FHOD3: variants seen among roughly 807,000 people sequenced by gnomAD.
FHOD3 encodes the protein formin homology 2 domain containing 3.
In FHOD3, 90 loss-of-function variants were observed where a neutral mutation model predicts 173.0. The ratio of observed to expected loss-of-function variants is 0.52; its 90% CI spans 0.44 to 0.62. FHOD3 has a LOEUF of 0.62. Ranked by LOEUF, FHOD3 falls within the 20% of genes least tolerant of loss-of-function variation. The pLI, the probability that FHOD3 is intolerant of heterozygous loss-of-function variation, is 0.00. For synonymous variants in FHOD3, 828 were observed against 823.0 expected (o/e 1.01, Z -0.10); for missense variants, 1,945 against 2,034.7 (o/e 0.96, Z 0.85).
At chr18:36,539,496 C>G (rs1207468208) in intron 5 of FHOD3, among the ~76,000 whole-genome samples, 1 of 152,038 alleles carries the variant, frequency 6.6e-6, no homozygotes, top group Non-Finnish European at 1.5e-5. Flanking sequence ...CACAGTTCTT[C>G]CATTGCTCAG....
chr18:36,385,007 CT>C (rs1307733430), intron 3 of FHOD3, among the ~76,000 whole-genome samples: 1 of 152,094 alleles, frequency 6.6e-6, no homozygotes, highest in Non-Finnish European at 1.5e-5. Context: ...AGGAATGTGA[CT>C]TTAGAGTGTC....
chr18:36,680,552 C>G (rs2038166920), intron 14 of FHOD3, among the ~76,000 whole-genome samples: 1 of 152,200 alleles, frequency 6.6e-6, no homozygotes, highest in Non-Finnish European at 1.5e-5. Flanking sequence ...CCTTATATGT[C>G]ATACGGTTAC....
Position 36,652,653 on chromosome 18 carries a change from C to A in FHOD3, c.1370C>A (p.Ala457Asp). 3.3e-6 allele frequency: 5 copies of A among 1,535,616 alleles called. No individual in the cohort carries two copies. In the South Asian group the frequency reaches 5.9e-5, roughly 18 times the overall value. ...KSSALPAVSN[A>D]SSQGKPLLVG... ...TCTGCCCTCCCTGCTGTCTCGAATG[C>A]CAGCTCGCAGGGAAAGCCGCTTCTG... Residue 457 changes from alanine (A) to aspartate (D), a missense_variant, in exon 12 of 29, where the codon GCC (alanine) becomes GAC (aspartate). This residue lies in a region of FHOD3 where 1,099 missense variants were observed against 1,051.2 expected (regional missense o/e 1.05). Coordinates refer to ENST00000590592, the MANE Select transcript of FHOD3 (RefSeq NM_001281740.3).
intron 3 of FHOD3, among the ~76,000 whole-genome samples, chr18:36,402,017 T>A (rs1348537990): frequency 6.6e-6 from 1 of 152,230 alleles, no homozygotes. Context: ...ATATTCTTTT[T>A]AAAAATTCCA....
intron 5 of FHOD3, among the ~76,000 whole-genome samples, chr18:36,523,159 G>A (rs1209310758): frequency 2.0e-5 from 3 of 152,086 alleles, no homozygotes; most frequent in Non-Finnish European, 4.4e-5. Context: ...TGGGGCTGAT[G>A]TTCCTAGAAT....
rs781069877 is a variant in FHOD3, at chr18:36,685,389, A to G, written c.1971-1739A>G. 2.6e-5 allele frequency among the ~76,000 whole-genome samples: 4 copies of G among 152,274 alleles called. No individual in the cohort carries two copies. The East Asian group carries it at 7.7e-4, about 29-fold the overall frequency. On this transcript the variant is annotated intron_variant, in intron 15 of 28. Coordinates refer to ENST00000590592, the MANE Select transcript of FHOD3 (RefSeq NM_001281740.3). ...GTGAATGAAAAGAAATTCAAAAAAT[A>G]AATAGGAAAAGCTTTCTAAAGTAGT...
chr18:36,595,598 G>C (rs943547129), intron 7 of FHOD3, among the ~76,000 whole-genome samples: 4 of 152,132 alleles, frequency 2.6e-5, no homozygotes, highest in African/African-American at 9.7e-5. Context: ...CTCCAAGTCG[G>C]GGTTGCCTGC....
intron 1 of FHOD3, among the ~76,000 whole-genome samples, chr18:36,318,508 C>T (rs2044238350): frequency 6.6e-6 from 1 of 152,180 alleles, no homozygotes; most frequent in South Asian, 2.1e-4. Flanking sequence ...GGAGTTCACA[C>T]ATGATTTGGC....
At chr18:36,377,667 C>T (rs909378985) in intron 3 of FHOD3, among the ~76,000 whole-genome samples, 2 of 152,146 alleles carry the variant, frequency 1.3e-5, no homozygotes, top group Non-Finnish European at 2.9e-5. Flanking sequence ...GCACCTGGCC[C>T]CTCTGGGTGC....
chr18:36,587,813 A>G (rs1207023624), intron 6 of FHOD3, among the ~76,000 whole-genome samples: 1 of 152,118 alleles, frequency 6.6e-6, no homozygotes, highest in Non-Finnish European at 1.5e-5. Context: ...TTGTAGCACT[A>G]TTTATTGTTA....
chr18:36,561,048 T>G (rs891387244), intron 5 of FHOD3, among the ~76,000 whole-genome samples: 13 of 152,268 alleles, frequency 8.5e-5, no homozygotes, highest in Non-Finnish European at 1.6e-4. Context: ...GCTGTACACA[T>G]TTGTGATATC....
At chr18:36,674,887 T>C (rs2037750518) in intron 14 of FHOD3, among the ~76,000 whole-genome samples, 1 of 152,224 alleles carries the variant, frequency 6.6e-6, no homozygotes, top group African/African-American at 2.4e-5. Context: ...GAATACTCTA[T>C]GATGCACACT....
At chr18:36,322,988 C>G (rs1298365264) in intron 1 of FHOD3, among the ~76,000 whole-genome samples, 2 of 152,170 alleles carry the variant, frequency 1.3e-5, no homozygotes, top group Non-Finnish European at 2.9e-5. Flanking sequence ...CTGTTTTATG[C>G]AGCATAACAG....
At chr18:36,710,186 G>A (rs185249151) in intron 18 of FHOD3, 10 of 152,298 alleles carry the variant, frequency 6.6e-5, no homozygotes, top group Non-Finnish European at 1.0e-4. Flanking sequence ...TATAGGAATC[G>A]TGAATAATTC....
Position 36,509,433 on chromosome 18 carries a change from AAAAAAAAAG to A in FHOD3, c.406-2996_406-2988del, listed in dbSNP as rs1440883992. 3.7e-4 allele frequency among the ~76,000 whole-genome samples: 29 copies of A among 78,696 alleles called. No homozygotes were observed. The South Asian group carries it at 7.2e-3, about 20-fold the overall frequency. The allele number at this position is 78,696 out of a possible 152,430, so 51.6% of individuals were successfully genotyped here. A position where few individuals can be genotyped will look rare whatever the true frequency, so the allele number is the denominator to read the frequency against. Reference sequence around the variant, plus strand: ...CAGAGCAAGACTCCATCTCAAAAAAAAAAAAAAAGAAAAAAAAAAGAAAACAGTATTTAT... The same window carrying A: ...CAGAGCAAGACTCCATCTCAAAAAAAAAAAAAAAAAGAAAACAGTATTTAT... On this transcript the variant is annotated intron_variant, in intron 4 of 28. Coordinates refer to ENST00000590592, the MANE Select transcript of FHOD3 (RefSeq NM_001281740.3).
chr18:36,728,052 A>G (rs2041167844), intron 19 of FHOD3, among the ~76,000 whole-genome samples: 1 of 152,230 alleles, frequency 6.6e-6, no homozygotes, highest in East Asian at 1.9e-4. Context: ...GATGAGCACA[A>G]GGCATGGCCC....
At chr18:36,464,487 A>G (rs2052784088) in intron 3 of FHOD3, among the ~76,000 whole-genome samples, 1 of 152,214 alleles carries the variant, frequency 6.6e-6, no homozygotes, top group East Asian at 1.9e-4. Context: ...GGCTCAGGCC[A>G]GGGATGGATT....
At chr18:36,378,558 G>T (rs1197958943) in intron 3 of FHOD3, among the ~76,000 whole-genome samples, 1 of 142,642 alleles carries the variant, frequency 7.0e-6, no homozygotes, top group Non-Finnish European at 1.5e-5. Context: ...GAATTGACAG[G>T]TGTGTCCAAC....
At position 36,779,597 on chromosome 18, in the gene FHOD3, A is replaced by T; in HGVS notation, c.*67A>T. The T allele has an allele frequency of 2.8e-6, 4 of 1,418,590 alleles. No homozygotes were observed. Among genetic ancestry groups the T allele is most frequent in the Non-Finnish European group, 3.0e-6 (3 of 1,004,768 alleles). 87.9% of individuals were successfully genotyped at this position (1,418,590 alleles called of 1,614,324 possible). On this transcript the variant is annotated 3_prime_UTR_variant, in exon 29 of 29. Transcript: ENST00000590592. ...AGCTCTTGCTGGATGAAACCCCTCC[A>T]GGTGGGGTTGGGGAGACTTGATATT...
Sources: allele counts gnomAD v4.1 joint callset (sites outside exome capture counted in the v4.1 genomes callset), GRCh38; gene constraint gnomAD v4.1.1; regional missense constraint gnomAD v4.1.1; transcripts MANE v1.5; gene names NCBI Gene and HGNC (gene_info 2026-07-23, HGNC 2026-07-21).